ADAM12: variants seen among roughly 807,000 people sequenced by gnomAD.
ADAM12 encodes the protein ADAM metallopeptidase domain 12, also known as disintegrin and metalloproteinase domain-containing protein 12.
In ADAM12, 70 loss-of-function variants were observed where a neutral mutation model predicts 106.4. The observed-to-expected ratio is 0.66, with a 90% CI of 0.54 to 0.80. The LOEUF is 0.80. ADAM12 is among the 30% of genes least tolerant of loss of function. ADAM12 has a pLI of 0.00. For missense variants in ADAM12, 1,010 were observed against 1,171.9 expected, an observed-to-expected ratio of 0.86 and a Z score of 2.02; for synonymous variants, 420 against 433.5, an observed-to-expected ratio of 0.97 and a Z score of 0.39.
At chr10:126,227,286 A>G (rs929039947) in intron 3 of ADAM12, among the ~76,000 whole-genome samples, 6 of 152,066 alleles carry the variant, frequency 3.9e-5, no homozygotes, top group Admixed American at 2.6e-4. Flanking sequence ...CATCGTCACC[A>G]TCATCACTAT....
intron 3 of ADAM12, among the ~76,000 whole-genome samples, chr10:126,172,882 A>T (rs941007027): frequency 2.6e-5 from 4 of 152,262 alleles, no homozygotes; most frequent in African/African-American, 9.6e-5. Context: ...GATAGACTGG[A>T]TAAAGAAAAT....
chr10:126,155,724 G>A (rs1956803279), intron 3 of ADAM12, among the ~76,000 whole-genome samples: 1 of 152,174 alleles, frequency 6.6e-6, no homozygotes, highest in Admixed American at 6.5e-5. Flanking sequence ...TGGAATCAAT[G>A]GTTGAACCAC....
At chr10:126,081,881 G>T (rs1955225456) in intron 11 of ADAM12, among the ~76,000 whole-genome samples, 1 of 152,166 alleles carries the variant, frequency 6.6e-6, no homozygotes, top group Admixed American at 6.5e-5. Context: ...TTCCAATATG[G>T]TATAGAATGT....
At chr10:126,129,614 A>C (rs966108112) in intron 5 of ADAM12, among the ~76,000 whole-genome samples, 2 of 152,212 alleles carry the variant, frequency 1.3e-5, no homozygotes, top group African/African-American at 2.4e-5. Context: ...CAGAATGTAA[A>C]AAGGGGGAGG....
chr10:126,190,202 T>A (rs1249259405), intron 3 of ADAM12, among the ~76,000 whole-genome samples: 1 of 151,820 alleles, frequency 6.6e-6, no homozygotes, highest in Non-Finnish European at 1.5e-5. Context: ...TTCACTCTTT[T>A]TTTTTTTCTT....
intron 12 of ADAM12, among the ~76,000 whole-genome samples, chr10:126,068,114 C>A (rs1379848517): frequency 6.6e-6 from 1 of 152,110 alleles, no homozygotes; most frequent in African/African-American, 2.4e-5. Context: ...AAACTGTCAA[C>A]CAGAAGTCAT....
Position 126,149,825 on chromosome 10 carries a change from G to A in ADAM12, c.339+5402C>T, listed in dbSNP as rs149709355. On this transcript the variant is annotated intron_variant, in intron 4 of 22. Transcript: ENST00000448723. ...CACCATCGGCTTCCCTACTTTTGAG[G>A]TTTTGGGACTTGGATTGGCTTCCTT... Among the ~76,000 whole-genome samples the A allele has an allele frequency of 2.3e-3, 350 of 152,290 alleles. 1 individual carries two copies. The highest frequency in any genetic ancestry group is 8.1e-3 in the African/African-American group (338 of 41,566).
Position 126,017,260 on chromosome 10 carries a change from GA to G in ADAM12, c.*18del. 1.9e-6 allele frequency: 3 copies of G among 1,580,182 alleles called. No individual in the cohort carries two copies. The highest frequency in any genetic ancestry group is 1.3e-5 in the African/African-American group (1 of 74,310). On this transcript the variant is annotated 3_prime_UTR_variant, in exon 23 of 23. Transcript: ENST00000448723. The stretch of plus-strand genomic sequence containing the variant: ...AGTGCAAACTTCTGTCTTCACTGTT[GA>G]AAAAAGGTGTCGGCTTCTCACTTAA...
At chr10:126,157,303 C>T (rs1956837522) in intron 3 of ADAM12, among the ~76,000 whole-genome samples, 2 of 152,214 alleles carry the variant, frequency 1.3e-5, no homozygotes, top group Non-Finnish European at 2.9e-5. Flanking sequence ...GCCTGCTCCG[C>T]CTCTCCTCCT....
chr10:126,203,924 G>T (rs2133824259), intron 3 of ADAM12, among the ~76,000 whole-genome samples: 1 of 122,388 alleles, frequency 8.2e-6, no homozygotes, highest in East Asian at 2.3e-4. Flanking sequence ...AAATCAGAGT[G>T]AGTGCGCGCG....
chr10:126,084,029 C>T (rs888759881), intron 11 of ADAM12, among the ~76,000 whole-genome samples: 1 of 152,210 alleles, frequency 6.6e-6, no homozygotes, highest in African/African-American at 2.4e-5. Context: ...CCTTAGTAGG[C>T]CATTTCCATT....
chr10:126,078,036 CTA>C lies in ADAM12; in HGVS notation c.1146-6384_1146-6383del, dbSNP rs201345130. Among the ~76,000 whole-genome samples the C allele has an allele frequency of 8.2e-3, 1,252 of 152,248 alleles. 20 individuals carry two copies. Among genetic ancestry groups the C allele is most frequent in the African/African-American group, 0.027 (1,125 of 41,534 alleles). On this transcript the variant is annotated intron_variant, in intron 11 of 22. Transcript: ENST00000448723. Reference sequence around the variant, plus strand: ...TGCCAGTAGCGAATATTAGATTCCTCTAATGGTAACACCATCTTAATCCACAC... The same window carrying C: ...TGCCAGTAGCGAATATTAGATTCCTCATGGTAACACCATCTTAATCCACAC...
At chr10:126,080,791 C>T (rs1349448301) in intron 11 of ADAM12, among the ~76,000 whole-genome samples, 2 of 152,172 alleles carry the variant, frequency 1.3e-5, no homozygotes, top group African/African-American at 2.4e-5. Flanking sequence ...CTTACAGCTC[C>T]CCACCATAAA....
intron 3 of ADAM12, 27 bp from the exon 4 acceptor site, chr10:126,155,332 A>AAG: frequency 6.3e-7 from 1 of 1,594,224 alleles, no homozygotes; most frequent in South Asian, 1.1e-5. Flanking sequence ...ACACCATAAA[A>AAG]AGATGAGTGC....
intron 3 of ADAM12, among the ~76,000 whole-genome samples, chr10:126,229,178 G>A (rs901859955): frequency 3.3e-5 from 5 of 152,264 alleles, no homozygotes; most frequent in Admixed American, 1.3e-4. Flanking sequence ...AGGGGCTTCC[G>A]GTGGAGGGAG....
chr10:126,377,712 T>C (rs1856344388), intron 1 of ADAM12, among the ~76,000 whole-genome samples: 1 of 152,150 alleles, frequency 6.6e-6, no homozygotes, highest in Admixed American at 6.6e-5. Flanking sequence ...GAGAACAATA[T>C]GATGCTGGAA....
At chr10:126,105,397 G>A (rs1367976405) in intron 8 of ADAM12, among the ~76,000 whole-genome samples, 3 of 152,130 alleles carry the variant, frequency 2.0e-5, no homozygotes, top group Non-Finnish European at 2.9e-5. Flanking sequence ...AGAAGAACTC[G>A]TGTTTTCTTC....
In ADAM12 at chr10:126,315,463, T is replaced by G. The variant is rs143584692; in HGVS notation, c.186+14949A>C. Among the ~76,000 whole-genome samples, 138 of 152,268 alleles carry G rather than the reference T, an allele frequency of 9.1e-4. 1 individual carries two copies. In the South Asian group the frequency reaches 0.018, roughly 20 times the overall value. ...ACTTAAGGATGCTGTTTCTGTCCTT[T>G]CCAACCGATGGCTCCTTATAACCCT... On this transcript the variant is annotated intron_variant, in intron 2 of 22. Coordinates refer to ENST00000448723, the MANE Select transcript of ADAM12 (RefSeq NM_001288973.2).
intron 1 of ADAM12, among the ~76,000 whole-genome samples, chr10:126,379,345 G>A (rs535414511): frequency 1.6e-4 from 24 of 152,110 alleles, no homozygotes; most frequent in Non-Finnish European, 2.9e-4. Context: ...TATACACCAC[G>A]GAATACTATG....
Sources: gnomAD v4.1 joint callset for allele counts (sites outside exome capture counted in the v4.1 genomes callset) on GRCh38, gnomAD v4.1.1 for gene constraint, MANE v1.5 for transcripts, NCBI Gene and HGNC (gene_info 2026-07-23, HGNC 2026-07-21) for gene names.